The following CDH13 variants were observed in gnomAD, a reference collection of about 807,000 sequenced individuals.
CDH13 encodes cadherin-13.
Under a neutral mutation model 63.8 loss-of-function variants are expected in CDH13, and 24 were observed. The ratio of observed to expected loss-of-function variants is 0.38; its 90% CI spans 0.27 to 0.53. The LOEUF is 0.53. CDH13 is among the 20% of genes least tolerant of loss of function. CDH13 has a pLI of 0.85. For missense variants in CDH13, 1,049 were observed against 903.1 expected (o/e 1.16, Z -2.07); for synonymous variants, 503 against 355.3 (o/e 1.42, Z -4.67).
intron 3 of CDH13, among the ~76,000 whole-genome samples, chr16:83,042,526 C>T (rs907010022): frequency 5.9e-5 from 9 of 152,108 alleles, no homozygotes; most frequent in African/African-American, 1.9e-4. Flanking sequence ...ATACTTATCT[C>T]ATTGTATATT....
chr16:82,781,287 G>A (rs757815430), intron 1 of CDH13, among the ~76,000 whole-genome samples: 3 of 152,108 alleles, frequency 2.0e-5, no homozygotes, highest in Admixed American at 6.5e-5. Context: ...CTCTATATTC[G>A]TCCAGCTTTA....
At chr16:83,691,300 A>T (rs932507998) in intron 10 of CDH13, among the ~76,000 whole-genome samples, 1 of 152,150 alleles carries the variant, frequency 6.6e-6, no homozygotes, top group Non-Finnish European at 1.5e-5. Context: ...CAAAGGGAGC[A>T]CATGAGCTGG....
intron 2 of CDH13, among the ~76,000 whole-genome samples, chr16:82,956,361 C>T (rs1211475822): frequency 1.5e-5 from 2 of 134,204 alleles, no homozygotes; most frequent in African/African-American, 5.9e-5. Context: ...TCTTTAATAT[C>T]TAATTTCTGC....
intron 8 of CDH13, among the ~76,000 whole-genome samples, chr16:83,609,051 C>T (rs1908621901): frequency 6.6e-6 from 1 of 152,034 alleles, no homozygotes; most frequent in Admixed American, 6.6e-5. Context: ...GCTTTCACAA[C>T]ACATTTTATT....
At chr16:83,686,929 C>T (rs1399056231) in intron 10 of CDH13, among the ~76,000 whole-genome samples, 2 of 152,108 alleles carry the variant, frequency 1.3e-5, no homozygotes, top group Non-Finnish European at 2.9e-5. Context: ...CATGGGTTGA[C>T]CGAATGCGGT....
intron 1 of CDH13, among the ~76,000 whole-genome samples, chr16:82,747,444 A>G (rs2034227051): frequency 7.1e-6 from 1 of 141,166 alleles, no homozygotes; most frequent in African/African-American, 2.4e-5. Flanking sequence ...TATTTCACGT[A>G]TTGGCAGATG....
At chr16:83,592,970 A>G (rs896959353) in intron 7 of CDH13, among the ~76,000 whole-genome samples, 1 of 152,170 alleles carries the variant, frequency 6.6e-6, no homozygotes, top group African/African-American at 2.4e-5. Flanking sequence ...GAGGATGTGT[A>G]AGCGGTTCCT....
At chr16:82,681,599 C>G (rs931588379) in intron 1 of CDH13, among the ~76,000 whole-genome samples, 4 of 152,244 alleles carry the variant, frequency 2.6e-5, no homozygotes, top group African/African-American at 9.6e-5. Flanking sequence ...ACGTATCTGA[C>G]ACTTTCTTGC....
chr16:83,546,679 G>A (rs1447810199), intron 7 of CDH13, among the ~76,000 whole-genome samples: 2 of 152,168 alleles, frequency 1.3e-5, no homozygotes, highest in Admixed American at 6.5e-5. Flanking sequence ...ACCCAGTGGT[G>A]TGGAGAGAGG....
chr16:83,541,632 CT>C (rs1171873666), intron 7 of CDH13, among the ~76,000 whole-genome samples: 1 of 152,222 alleles, frequency 6.6e-6, no homozygotes, highest in African/African-American at 2.4e-5. Context: ...CTCCAAAGGT[CT>C]AGAGGAAGGC....
chr16:82,651,580 A>C (rs1263252689), intron 1 of CDH13, among the ~76,000 whole-genome samples: 1 of 152,210 alleles, frequency 6.6e-6, no homozygotes, highest in Admixed American at 6.5e-5. Context: ...TTTACTGTGC[A>C]TTGTCTCAAC....
intron 5 of CDH13, among the ~76,000 whole-genome samples, chr16:83,273,703 A>G (rs1027851714): frequency 6.6e-5 from 10 of 152,242 alleles, no homozygotes; most frequent in African/African-American, 2.4e-4. Context: ...ATAGGTTTCA[A>G]GTTAACTACT....
At chr16:83,223,411 C>T (rs1252007784) in intron 5 of CDH13, among the ~76,000 whole-genome samples, 3 of 152,228 alleles carry the variant, frequency 2.0e-5, no homozygotes, top group Non-Finnish European at 2.9e-5. Flanking sequence ...CTAATCACCT[C>T]TAAAGGGCCC....
At chr16:82,712,707 G>A (rs138553653) in intron 1 of CDH13, among the ~76,000 whole-genome samples, 32 of 152,260 alleles carry the variant, frequency 2.1e-4, no homozygotes, top group African/African-American at 7.5e-4. Flanking sequence ...CAGCTGAGAT[G>A]GCTGACTCCC....
chr16:83,110,709 T>C (rs928263408), intron 3 of CDH13, among the ~76,000 whole-genome samples: 3 of 152,050 alleles, frequency 2.0e-5, no homozygotes, highest in African/African-American at 7.2e-5. Flanking sequence ...AACTCAGACA[T>C]CTCTGGATCC....
intron 5 of CDH13, among the ~76,000 whole-genome samples, chr16:83,329,919 T>C (rs2090446094): frequency 6.6e-6 from 1 of 152,228 alleles, no homozygotes; most frequent in Non-Finnish European, 1.5e-5. Context: ...TGATTATCCA[T>C]TCATCTGCTA....
intron 5 of CDH13, among the ~76,000 whole-genome samples, chr16:83,278,621 C>G (rs1303957649): frequency 6.6e-6 from 1 of 152,222 alleles, no homozygotes. Flanking sequence ...TCCGTTCTCT[C>G]TTTCAACCAT....
chr16:83,345,284 T>G (rs1315855205), intron 6 of CDH13, among the ~76,000 whole-genome samples: 5 of 152,214 alleles, frequency 3.3e-5, no homozygotes, highest in African/African-American at 1.2e-4. Flanking sequence ...TTGGGCACCA[T>G]GTAAATATCC....
At chr16:82,941,131 C>T (rs1904281794) in intron 2 of CDH13, among the ~76,000 whole-genome samples, 1 of 152,166 alleles carries the variant, frequency 6.6e-6, no homozygotes, top group African/African-American at 2.4e-5. Context: ...GCTCTGAAAG[C>T]TGACCAGAGT....
Sources: allele counts gnomAD v4.1 joint callset (sites outside exome capture counted in the v4.1 genomes callset), GRCh38; gene constraint gnomAD v4.1.1; transcripts MANE v1.5; gene names NCBI Gene and HGNC (gene_info 2026-07-23, HGNC 2026-07-21).